Variants in PRDM16 observed in about 807,000 individuals in gnomAD.
PRDM16 encodes the protein PR/SET domain 16.
A neutral mutation model predicts 110.6 loss-of-function variants in PRDM16; 23 were observed. That is an observed-to-expected ratio of 0.21 (90% CI 0.15 to 0.29). The LOEUF is 0.29. Ranked by LOEUF, PRDM16 falls within the 10% of genes least tolerant of loss-of-function variation. The pLI, the probability that PRDM16 is intolerant of heterozygous loss-of-function variation, is 1.00. For missense variants in PRDM16, 1,615 were observed against 1,794.3 expected (o/e 0.90, Z 1.81); for synonymous variants, 799 against 781.8 (o/e 1.02, Z -0.37).
intron 1 of PRDM16, among the ~76,000 whole-genome samples, chr1:3,115,922 G>T (rs995820104): frequency 1.3e-5 from 2 of 152,194 alleles, no homozygotes; most frequent in Non-Finnish European, 2.9e-5. Flanking sequence ...CTCCCACCCT[G>T]TGTCCAGCAT....
At chr1:3,397,059 G>T (rs1643397142) in intron 5 of PRDM16, among the ~76,000 whole-genome samples, 1 of 152,224 alleles carries the variant, frequency 6.6e-6, no homozygotes, top group African/African-American at 2.4e-5. Context: ...ATTTCTGGCT[G>T]CCCCAGAGCT....
intron 1 of PRDM16, among the ~76,000 whole-genome samples, chr1:3,155,305 G>A (rs1643841596): frequency 6.6e-6 from 1 of 152,228 alleles, no homozygotes; most frequent in African/African-American, 2.4e-5. Context: ...AATAAAATAG[G>A]GGAAAGAAAA....
At chr1:3,405,012 C>G (rs542107677) in intron 7 of PRDM16, 126 bp downstream of exon 7, 1 of 1,044,144 alleles carries the variant, frequency 9.6e-7, no homozygotes, top group African/African-American at 1.6e-5. Flanking sequence ...GGGTAGGAGG[C>G]CCCTGCGGTG....
chr1:3,414,369 G>C (rs1286411615), intron 9 of PRDM16, among the ~76,000 whole-genome samples, 191 bp from the exon 10 acceptor site: 4 of 152,154 alleles, frequency 2.6e-5, no homozygotes, highest in Non-Finnish European at 5.9e-5. Context: ...GTGCAGGTGG[G>C]CTGGGCTCCC....
At chr1:3,431,278 G>A (rs113059246) in intron 15 of PRDM16, among the ~76,000 whole-genome samples, 170 bp downstream of exon 15, 1 of 152,332 alleles carries the variant, frequency 6.6e-6, no homozygotes, top group South Asian at 2.1e-4. Context: ...TGGGCCAGGG[G>A]CAACGGGGTC....
intron 1 of PRDM16, among the ~76,000 whole-genome samples, chr1:3,076,823 T>C (rs879888178): frequency 6.6e-5 from 10 of 152,222 alleles, no homozygotes; most frequent in Non-Finnish European, 1.2e-4. Flanking sequence ...CTTACCTGGA[T>C]GGATTTACTT....
intron 1 of PRDM16, among the ~76,000 whole-genome samples, chr1:3,181,710 ACACACG>A (rs1644200574): frequency 7.7e-6 from 1 of 129,204 alleles, no homozygotes; most frequent in Non-Finnish European, 1.6e-5. Context: ...ACACGGTCTT[ACACACG>A]CAGTCTTACA....
At position 3,411,650 on chromosome 1, in the gene PRDM16, T is replaced by C. The variant is rs1365047497; in HGVS notation, c.1453T>C (p.Phe485Leu). ...CAGCCTCAATCACGCCAGCCTGGGC[T>C]TCAACGAGTACTTTCCCTCCAGGCC... ...SPSLNHASLG[F>L]NEYFPSRPHP... is the part of the protein sequence containing the mutation. The change falls in exon 9 of 17, where the codon TTC becomes CTC. Residue 485 changes from phenylalanine to leucine, a missense_variant. By Grantham distance (22) the Phe-to-Leu change is conservative. Transcript: ENST00000270722. The C allele has an allele frequency of 4.3e-6, 7 of 1,613,488 alleles. No homozygotes were observed. In the East Asian group the frequency reaches 1.3e-4, roughly 31 times the overall value.
In PRDM16 at chr1:3,190,662, C is replaced by T. The variant is rs149942907; in HGVS notation, c.387+4188C>T. ...AGGAAGTGCACCCGAAATTCCTGGCCTCCTCCATCTGGACACAGCCGGGCT... is the reference window on the plus strand; with the variant it reads ...AGGAAGTGCACCCGAAATTCCTGGCTTCCTCCATCTGGACACAGCCGGGCT... On this transcript the variant is annotated intron_variant, in intron 2 of 16. Coordinates refer to ENST00000270722, the MANE Select transcript of PRDM16 (RefSeq NM_022114.4). The surrounding 1 kb of genome is among the most constrained non-coding windows in gnomAD (Gnocchi z 5.0). 2.6e-5 allele frequency among the ~76,000 whole-genome samples: 4 copies of T among 152,144 alleles called. No individual in the cohort carries two copies. Among genetic ancestry groups the T allele is most frequent in the Non-Finnish European group, 5.9e-5 (4 of 68,020 alleles).
intron 2 of PRDM16, among the ~76,000 whole-genome samples, chr1:3,241,554 GGGCCGGTGT>G (rs1210379721): frequency 6.6e-6 from 1 of 152,216 alleles, no homozygotes; most frequent in East Asian, 1.9e-4. Flanking sequence ...TCAACTATTG[GGGCCGGTGT>G]TGGAGCATCC....
chr1:3,402,891 G>A lies in PRDM16; in HGVS notation c.777G>A (p.Ala259=), dbSNP rs557978089. Residue 259 remains alanine (A), a synonymous_variant, in exon 6 of 17, where the codon GCG becomes GCA. Coordinates refer to ENST00000270722, the MANE Select transcript of PRDM16 (RefSeq NM_022114.4). ...KKYTCGSVGA[A]LYEGLAEELK... ...ACACGTGTGGCTCAGTGGGGGCTGC[G>A]CTCTACGAGGGCCTGGCTGAGGAGC... The A allele has an allele frequency of 4.0e-5, 64 of 1,613,024 alleles. No individual in the cohort carries two copies. The Middle Eastern group carries it at 4.9e-4, about 12-fold the overall frequency.
intron 3 of PRDM16, among the ~76,000 whole-genome samples, chr1:3,300,910 T>C (rs891386784): frequency 8.5e-5 from 13 of 152,114 alleles, no homozygotes; most frequent in African/African-American, 2.7e-4. Context: ...CGCTGTGGTG[T>C]TATCTGTTTG....
At chr1:3,085,408 G>A (rs1570223514) in intron 1 of PRDM16, among the ~76,000 whole-genome samples, 1 of 152,228 alleles carries the variant, frequency 6.6e-6, no homozygotes, top group Admixed American at 6.5e-5. Flanking sequence ...GCCAACTGCT[G>A]GGACCTGACC....
chr1:3,165,477 A>G (rs1391888014), intron 1 of PRDM16, among the ~76,000 whole-genome samples: 1 of 92,908 alleles, frequency 1.1e-5, no homozygotes, highest in Non-Finnish European at 2.1e-5. Context: ...GGGCTCAGGG[A>G]CAGTGACTCA....
At chr1:3,404,944 GC>G (rs1002088094) in intron 7 of PRDM16, 58 bp downstream of exon 7, 1 of 1,566,390 alleles carries the variant, frequency 6.4e-7, no homozygotes, top group Non-Finnish European at 8.6e-7. Context: ...GCAGACGGGC[GC>G]CCGCCCCCGT....
At chr1:3,164,101 C>A (rs1292098176) in intron 1 of PRDM16, among the ~76,000 whole-genome samples, 1 of 152,244 alleles carries the variant, frequency 6.6e-6, no homozygotes, top group Admixed American at 6.5e-5. Context: ...CGCCCTGAAG[C>A]CTGTGTCGTC....
At position 3,175,711 on chromosome 1, in the gene PRDM16, G is replaced by T. The variant is rs548706854; in HGVS notation, c.38-10414G>T. On this transcript the variant is annotated intron_variant, in intron 1 of 16. Coordinates refer to ENST00000270722, the MANE Select transcript of PRDM16 (RefSeq NM_022114.4). The surrounding 1 kb of genome is among the most constrained non-coding windows in gnomAD (Gnocchi z 4.8). ...CACCCGCCACATGGGTGCAGGGAGGGTGACAGCCGGTCAGCCCTGAAGAAG... is the reference window on the plus strand; with the variant it reads ...CACCCGCCACATGGGTGCAGGGAGGTTGACAGCCGGTCAGCCCTGAAGAAG... Among the ~76,000 whole-genome samples the T allele has an allele frequency of 1.2e-3, 181 of 152,336 alleles. 1 individual carries two copies. Among genetic ancestry groups the T allele is most frequent in the African/African-American group, 4.2e-3 (175 of 41,586 alleles).
intron 3 of PRDM16, among the ~76,000 whole-genome samples, chr1:3,272,936 C>T (rs1396493748): frequency 1.3e-5 from 2 of 152,230 alleles, no homozygotes; most frequent in Non-Finnish European, 2.9e-5. Context: ...CTCTGAGTCT[C>T]GAGTCTTGTG....
chr1:3,225,180 C>CT (rs1557541250), intron 2 of PRDM16, among the ~76,000 whole-genome samples: 4 of 152,026 alleles, frequency 2.6e-5, no homozygotes, highest in Admixed American at 6.5e-5. Context: ...GCATAGAGGG[C>CT]ATTTTGGACA....
Sources: gnomAD v4.1 joint callset for allele counts (sites outside exome capture counted in the v4.1 genomes callset) on GRCh38, gnomAD v4.1.1 for gene constraint, Gnocchi (gnomAD v3.1) non-coding constraint, MANE v1.5 for transcripts, NCBI Gene and HGNC (gene_info 2026-07-23, HGNC 2026-07-21) for gene names.